Variants in SGCZ observed in about 807,000 individuals in gnomAD.
SGCZ encodes the protein sarcoglycan zeta.
A neutral mutation model predicts 41.3 loss-of-function variants in SGCZ; 40 were observed. That is an observed-to-expected ratio of 0.97 (90% CI 0.75 to 1.26). The LOEUF is 1.26. SGCZ is among the 50% of genes most tolerant of loss of function. SGCZ has a pLI of 0.00. For missense variants in SGCZ, 552 were observed against 369.8 expected, an observed-to-expected ratio of 1.49 and a Z score of -4.04; for synonymous variants, 206 against 137.5, an observed-to-expected ratio of 1.50 and a Z score of -3.49.
intron 3 of SGCZ, among the ~76,000 whole-genome samples, chr8:14,265,641 T>G (rs1273633528): frequency 1.3e-5 from 2 of 151,982 alleles, no homozygotes; most frequent in Admixed American, 6.6e-5. Flanking sequence ...AAATACTCAT[T>G]TAATAAGGAT....
intron 1 of SGCZ, among the ~76,000 whole-genome samples, chr8:14,716,817 T>C (rs535381496): frequency 6.6e-6 from 1 of 152,150 alleles, no homozygotes; most frequent in Non-Finnish European, 1.5e-5. Context: ...CATTTTATGA[T>C]AATTCCACTT....
intron 2 of SGCZ, among the ~76,000 whole-genome samples, chr8:14,484,019 G>C (rs1403991523): frequency 6.6e-6 from 1 of 152,102 alleles, no homozygotes; most frequent in Non-Finnish European, 1.5e-5. Context: ...ACACCTTAAT[G>C]ACCATAGAAG....
At chr8:15,179,705 A>C (rs1360743673) in intron 1 of SGCZ, among the ~76,000 whole-genome samples, 1 of 152,218 alleles carries the variant, frequency 6.6e-6, no homozygotes, top group African/African-American at 2.4e-5. Flanking sequence ...ACAACAAAAA[A>C]GGACAGCCTC....
chr8:14,326,280 G>A (rs889921260), intron 2 of SGCZ, among the ~76,000 whole-genome samples: 1 of 151,922 alleles, frequency 6.6e-6, no homozygotes, highest in African/African-American at 2.4e-5. Flanking sequence ...GTTGTGATCA[G>A]TATCAGACGA....
chr8:15,096,691 T>C (rs539156106), intron 1 of SGCZ, among the ~76,000 whole-genome samples: 4 of 152,232 alleles, frequency 2.6e-5, no homozygotes, highest in Non-Finnish European at 2.9e-5. Context: ...TTATTTTATT[T>C]TATTTTATTT....
intron 2 of SGCZ, among the ~76,000 whole-genome samples, chr8:14,408,309 C>G (rs1319550536): frequency 6.6e-6 from 1 of 152,126 alleles, no homozygotes; most frequent in Non-Finnish European, 1.5e-5. Flanking sequence ...ACCACAGAAT[C>G]TACTCAAACA....
At chr8:14,872,502 G>C (rs927046046) in intron 1 of SGCZ, among the ~76,000 whole-genome samples, 6 of 152,180 alleles carry the variant, frequency 3.9e-5, no homozygotes, top group African/African-American at 1.2e-4. Flanking sequence ...AATGGTAATA[G>C]AATCAGCATC....
chr8:14,158,245 A>C (rs1803936014), intron 5 of SGCZ, among the ~76,000 whole-genome samples: 1 of 152,166 alleles, frequency 6.6e-6, no homozygotes, highest in Non-Finnish European at 1.5e-5. Flanking sequence ...AAAGATTTTC[A>C]TACTTTAGAT....
intron 3 of SGCZ, among the ~76,000 whole-genome samples, chr8:14,297,536 A>G (rs1412129394): frequency 6.6e-6 from 1 of 151,910 alleles, no homozygotes; most frequent in Non-Finnish European, 1.5e-5. Context: ...AAAAGAGAAA[A>G]CCAAAATTAC....
intron 2 of SGCZ, among the ~76,000 whole-genome samples, chr8:14,388,579 C>T (rs1370028003): frequency 6.6e-6 from 1 of 151,910 alleles, no homozygotes; most frequent in Non-Finnish European, 1.5e-5. Flanking sequence ...TTTTATGGTA[C>T]GAGAACTTCA....
chr8:14,574,192 G>T (rs145251654), intron 1 of SGCZ, among the ~76,000 whole-genome samples: 1 of 152,072 alleles, frequency 6.6e-6, no homozygotes, highest in South Asian at 2.1e-4. Context: ...GCCAAGATGC[G>T]GATGTTGGGG....
chr8:14,737,132 G>A (rs902167874), intron 1 of SGCZ, among the ~76,000 whole-genome samples: 2 of 77,576 alleles, frequency 2.6e-5, no homozygotes, highest in African/African-American at 1.1e-4. Flanking sequence ...TCTATATACT[G>A]GATATATAAG....
intron 1 of SGCZ, among the ~76,000 whole-genome samples, chr8:14,598,558 C>T (rs2117305419): frequency 6.6e-6 from 1 of 151,600 alleles, no homozygotes; most frequent in South Asian, 2.1e-4. Flanking sequence ...GACAGGGGTC[C>T]ACTCTGTAGC....
chr8:14,769,793 T>TAAAAAAAAAAAAAAAAAAAAAAAAAAA (rs565416806), intron 1 of SGCZ, among the ~76,000 whole-genome samples: 5 of 52,204 alleles, frequency 9.6e-5, no homozygotes, highest in African/African-American at 2.5e-4. Context: ...AAAACACCAT[T>TAAAAAAAAAAAAAAAAAAAAAAAAAAA]AAAAAAAAAA....
At chr8:15,093,306 A>G (rs1806218505) in intron 1 of SGCZ, among the ~76,000 whole-genome samples, 1 of 152,218 alleles carries the variant, frequency 6.6e-6, no homozygotes, top group Non-Finnish European at 1.5e-5. Flanking sequence ...AGTCATTTGT[A>G]CTTCTCATCA....
At chr8:14,979,424 C>T (rs1223221653) in intron 1 of SGCZ, among the ~76,000 whole-genome samples, 3 of 152,118 alleles carry the variant, frequency 2.0e-5, no homozygotes, top group Non-Finnish European at 2.9e-5. Context: ...ATTAAAGAAT[C>T]TACAAGGATG....
At chr8:14,305,103 A>G (rs1195954556) in intron 3 of SGCZ, among the ~76,000 whole-genome samples, 4 of 152,188 alleles carry the variant, frequency 2.6e-5, no homozygotes, top group Non-Finnish European at 5.9e-5. Context: ...GATGGTAGAT[A>G]AAATAGATTT....
At chr8:14,546,131 A>G (rs542215880) in intron 2 of SGCZ, among the ~76,000 whole-genome samples, 2 of 152,300 alleles carry the variant, frequency 1.3e-5, no homozygotes, top group East Asian at 3.9e-4. Context: ...AACATTAACG[A>G]TATCATTTAC....
At chr8:15,099,653 G>A (rs1563125279) in intron 1 of SGCZ, among the ~76,000 whole-genome samples, 1 of 151,996 alleles carries the variant, frequency 6.6e-6, no homozygotes, top group Non-Finnish European at 1.5e-5. Context: ...AACCTGGAAA[G>A]ACTTTACAAA....
Sources: gnomAD v4.1 joint callset for allele counts (sites outside exome capture counted in the v4.1 genomes callset) on GRCh38, gnomAD v4.1.1 for gene constraint, MANE v1.5 for transcripts, NCBI Gene and HGNC (gene_info 2026-07-23, HGNC 2026-07-21) for gene names.